KTN1: variants seen among roughly 807,000 people sequenced by gnomAD.
The protein encoded by KTN1 is kinectin.
KTN1 carries 130 observed loss-of-function variants against 222.5 expected under a neutral mutation model. That is an observed-to-expected ratio of 0.58 (90% CI 0.51 to 0.68). The LOEUF is 0.68. KTN1 is among the 30% of genes least tolerant of loss of function. The pLI is 0.00. For synonymous variants in KTN1, 512 were observed against 496.3 expected, an observed-to-expected ratio of 1.03 and a Z score of -0.42; for missense variants, 1,508 against 1,500.4, an observed-to-expected ratio of 1.01 and a Z score of -0.08.
Position 55,678,429 on chromosome 14 carries a change from T to A in KTN1, c.3933T>A (p.Asp1311Glu). The change falls in exon 42 of 44, where the codon GAT (aspartate) becomes GAA (glutamate). Residue 1311 changes from aspartate (D) to glutamate (E), a missense_variant. Physicochemically the swap from Asp to Glu is conservative, Grantham distance 45. Transcript: ENST00000395314. ...AGDTTVIENS[D>E]VSPETESSEK... ...ACACTACTGTTATTGAAAATAGTGA[T>A]GTTTCCCCAGAAACGGTATGTATTT... 1 of 1,604,108 alleles carries A rather than the reference T, an allele frequency of 6.2e-7. No individual in the cohort carries two copies. Among genetic ancestry groups the A allele is most frequent in the Non-Finnish European group, 8.5e-7 (1 of 1,170,962 alleles).
intron 2 of KTN1, among the ~76,000 whole-genome samples, chr14:55,615,022 T>C (rs1358925120): frequency 6.6e-6 from 1 of 152,114 alleles, no homozygotes; most frequent in Non-Finnish European, 1.5e-5. Context: ...TGGGAGTAGA[T>C]AGCTCATCCA....
intron 1 of KTN1, among the ~76,000 whole-genome samples, chr14:55,596,769 T>C (rs1228763176): frequency 6.6e-6 from 1 of 152,138 alleles, no homozygotes; most frequent in Non-Finnish European, 1.5e-5. Flanking sequence ...TTAGGTTTCC[T>C]ATTATTGCGA....
At chr14:55,651,652 T>C (rs2042941472) in intron 24 of KTN1, 2 of 484,184 alleles carry the variant, frequency 4.1e-6, no homozygotes, top group Non-Finnish European at 3.7e-6. Context: ...AGCATCACAT[T>C]AGTTAGACTT....
At chr14:55,678,035 G>C (rs1481770355) in intron 41 of KTN1, among the ~76,000 whole-genome samples, 2 of 152,180 alleles carry the variant, frequency 1.3e-5, no homozygotes, top group African/African-American at 4.8e-5. Flanking sequence ...TTCTTAGCTT[G>C]TATTCTGTAC....
At position 55,618,142 on chromosome 14, in the gene KTN1, A is replaced by T. The variant is rs373477959; in HGVS notation, c.832+8A>T. On this transcript the variant is annotated splice_region_variant and intron_variant, in intron 4 of 43. Transcript: ENST00000395314. ...AGACCGAAACTGACAAAGGTAATAT[A>T]TGGGATTTATAGTCTTTGTTGTACT... 6.2e-7 allele frequency: 1 copy of T among 1,602,352 alleles called. No homozygotes were observed. Among genetic ancestry groups the T allele is most frequent in the Non-Finnish European group, 8.5e-7 (1 of 1,172,948 alleles).
chr14:55,618,670 G>C (rs2038727805), intron 4 of KTN1, among the ~76,000 whole-genome samples: 1 of 152,142 alleles, frequency 6.6e-6, no homozygotes. Flanking sequence ...GTCAGGAGGT[G>C]CTTGATGCAT....
chr14:55,637,236 C>T lies in KTN1; in HGVS notation c.1588C>T (p.Gln530Ter). Residue 530 changes from glutamine (Q) to a stop codon, truncating the protein, a stop_gained, in exon 11 of 44, where the codon CAG (glutamine) becomes TAG (stop). Coordinates refer to ENST00000395314, the MANE Select transcript of KTN1 (RefSeq NM_001079521.2). LOFTEE classifies it high-confidence loss of function. Reference sequence around the variant, plus strand: ...ATTTGTGGCCAAAGAAAATGAAGTACAGAGTCTGCATAGTAAGCTTACAGA... The same window carrying T: ...ATTTGTGGCCAAAGAAAATGAAGTATAGAGTCTGCATAGTAAGCTTACAGA... ...SKFVAKENEV[Q>*]SLHSKLTDTL... 6.2e-7 allele frequency: 1 copy of T among 1,608,162 alleles called. No individual in the cohort carries two copies. The highest frequency in any genetic ancestry group is 1.3e-5 in the African/African-American group (1 of 74,762).
intron 1 of KTN1, among the ~76,000 whole-genome samples, chr14:55,598,686 G>T (rs2035479044): frequency 1.3e-5 from 2 of 152,238 alleles, no homozygotes; most frequent in South Asian, 4.1e-4. Context: ...AATGGTCATT[G>T]TTTCTATGGA....
rs56190231 is a variant in KTN1 at position 55,631,341 on chromosome 14, GATATATAT to G, written c.1221+1265_1221+1272del. Among the ~76,000 whole-genome samples, 225 of 114,708 alleles carry G rather than the reference GATATATAT, an allele frequency of 2.0e-3. 2 individuals are homozygous for G. Among genetic ancestry groups the G allele is most frequent in the Middle Eastern group, 4.5e-3 (1 of 224 alleles). 75.3% of individuals were successfully genotyped at this position (114,708 alleles called of 152,430 possible). A position where few individuals can be genotyped will look rare whatever the true frequency, so the allele number is the denominator to read the frequency against. On this transcript the variant is annotated intron_variant, in intron 7 of 43. Coordinates refer to ENST00000395314, the MANE Select transcript of KTN1 (RefSeq NM_001079521.2). ...CTAAAACTCACCTATTGATAAGGTT[GATATATAT>G]ATATATATATATATATATATGTATT...
intron 1 of KTN1, among the ~76,000 whole-genome samples, chr14:55,610,184 A>C (rs184788204): frequency 1.4e-4 from 21 of 152,314 alleles, no homozygotes; most frequent in African/African-American, 4.8e-4. Context: ...TGTTGAACAA[A>C]CGACAGTCAT....
chr14:55,615,797 CCCTTCCTTCTTTT>C (rs1175473757), intron 2 of KTN1, among the ~76,000 whole-genome samples: 1 of 151,296 alleles, frequency 6.6e-6, no homozygotes, highest in Non-Finnish European at 1.5e-5. Context: ...TCCTTCCCTT[CCCTTCCTTCTTTT>C]CCTTCCTTTC....
In KTN1 at chr14:55,677,794, G is replaced by C. The variant is rs954283769; in HGVS notation, c.3856-558G>C. ...GCTCACTGCAACCTCCGCCTCCCAG[G>C]TTCAGTTGATTCTCCTTCCTCAGCC... is the stretch of plus-strand genomic sequence containing the variant. On this transcript the variant is annotated intron_variant, in intron 41 of 43. Transcript: ENST00000395314. Among the ~76,000 whole-genome samples, 7 of 152,306 alleles carry C rather than the reference G, an allele frequency of 4.6e-5. 1 individual carries two copies. The South Asian group carries it at 1.5e-3, about 32-fold the overall frequency.
intron 33 of KTN1, among the ~76,000 whole-genome samples, chr14:55,666,888 A>G (rs1023647119): frequency 1.9e-4 from 29 of 152,102 alleles, no homozygotes; most frequent in South Asian, 6.2e-4. Context: ...ATTTTCTACT[A>G]TAGGTAGTTT....
At chr14:55,669,639 A>AACT (rs1030957348) in intron 34 of KTN1, among the ~76,000 whole-genome samples, 1 of 151,996 alleles carries the variant, frequency 6.6e-6, no homozygotes, top group African/African-American at 2.4e-5. Context: ...TTAAGCAACA[A>AACT]AACTAGTTTT....
intron 33 of KTN1, among the ~76,000 whole-genome samples, chr14:55,665,107 C>T (rs749494968): frequency 2.6e-5 from 4 of 151,124 alleles, no homozygotes; most frequent in Non-Finnish European, 2.9e-5. Flanking sequence ...AGGTTAAATT[C>T]GAGATAGCTG....
At chr14:55,654,934 A>G (rs1467116328) in intron 28 of KTN1, among the ~76,000 whole-genome samples, 2 of 151,888 alleles carry the variant, frequency 1.3e-5, no homozygotes, top group Non-Finnish European at 1.5e-5. Context: ...TTTCCAGAAT[A>G]TCGTAGTTGA....
intron 32 of KTN1, among the ~76,000 whole-genome samples, chr14:55,662,515 A>G (rs1254310237): frequency 1.3e-5 from 2 of 152,156 alleles, no homozygotes; most frequent in African/African-American, 4.8e-5. Flanking sequence ...TGAATAGACA[A>G]ACAATTTAGT....
In KTN1 at chr14:55,641,204, T is replaced by C; in HGVS notation, c.2099T>C (p.Phe700Ser). 6.3e-7 allele frequency: 1 copy of C among 1,575,956 alleles called. No individual in the cohort carries two copies. The highest frequency in any genetic ancestry group is 8.6e-7 in the Non-Finnish European group (1 of 1,157,452). Reference protein sequence around the residue: ...QHEISNKMEEFKILNDQNKAL... With the variant: ...QHEISNKMEESKILNDQNKAL... ...GAAATTTCAAACAAAATGGAAGAAT[T>C]TAAGGTGTGTGATTAAGCTTGTACA... The change falls in exon 17 of 44, where the codon TTT becomes TCT. Residue 700 changes from phenylalanine (F) to serine (S), a missense_variant. Transcript: ENST00000395314.
chr14:55,632,723 GA>G (rs917770241), intron 7 of KTN1, among the ~76,000 whole-genome samples: 8 of 151,660 alleles, frequency 5.3e-5, no homozygotes, highest in African/African-American at 1.7e-4. Flanking sequence ...TAAAAACTTG[GA>G]AAAAAAATTA....
Sources: gnomAD v4.1 joint callset for allele counts (sites outside exome capture counted in the v4.1 genomes callset) on GRCh38, gnomAD v4.1.1 for gene constraint, MANE v1.5 for transcripts, NCBI Gene and HGNC (gene_info 2026-07-23, HGNC 2026-07-21) for gene names.